Variants in TRIM44 observed in about 807,000 individuals in gnomAD.
TRIM44 encodes tripartite motif-containing protein 44.
A neutral mutation model predicts 37.4 loss-of-function variants in TRIM44; 13 were observed. The observed-to-expected ratio is 0.35, with a 90% CI of 0.23 to 0.55. The LOEUF is 0.55. Among genes scored for constraint, TRIM44 ranks in the 20% least tolerant of loss-of-function variants. The probability of loss-of-function intolerance (pLI) is 0.89; values close to 1 mark genes in which losing one functional copy is unlikely to be tolerated. For missense variants in TRIM44, 426 were observed against 437.2 expected, an observed-to-expected ratio of 0.97 and a Z score of 0.23; for synonymous variants, 175 against 157.2, an observed-to-expected ratio of 1.11 and a Z score of -0.85.
intron 4 of TRIM44, among the ~76,000 whole-genome samples, chr11:35,743,935 A>T (rs1852450306): frequency 6.6e-6 from 1 of 152,246 alleles, no homozygotes. Flanking sequence ...GTAGGATACT[A>T]TCATATGCCA....
intron 4 of TRIM44, among the ~76,000 whole-genome samples, chr11:35,761,407 A>T (rs79067210): frequency 7.5e-6 from 1 of 133,030 alleles, no homozygotes; most frequent in East Asian, 2.3e-4. Flanking sequence ...CTCTCTCTCT[A>T]TATATATATG....
intron 4 of TRIM44, among the ~76,000 whole-genome samples, chr11:35,769,879 T>C (rs1479054444): frequency 6.6e-6 from 1 of 152,234 alleles, no homozygotes; most frequent in Non-Finnish European, 1.5e-5. Context: ...CCAGCAGGCC[T>C]AAGGACTATG....
intron 4 of TRIM44, among the ~76,000 whole-genome samples, 154 bp from the exon 5 acceptor site, chr11:35,806,204 G>A (rs1853446615): frequency 6.6e-6 from 1 of 152,142 alleles, no homozygotes. Context: ...TTAGAGAAAC[G>A]AAGTAACTTG....
intron 2 of TRIM44, among the ~76,000 whole-genome samples, chr11:35,702,331 A>G (rs1014055163): frequency 4.6e-5 from 7 of 152,202 alleles, no homozygotes; most frequent in African/African-American, 1.7e-4. Flanking sequence ...GCCCGTGCGC[A>G]TCCACCGTTC....
intron 1 of TRIM44, among the ~76,000 whole-genome samples, chr11:35,677,272 G>A (rs1271832844): frequency 2.6e-5 from 4 of 152,048 alleles, no homozygotes; most frequent in African/African-American, 9.7e-5. Flanking sequence ...TTTAATCTAA[G>A]TTGTACTGAC....
At chr11:35,804,212 C>G (rs2133885115) in intron 4 of TRIM44, among the ~76,000 whole-genome samples, 1 of 152,276 alleles carries the variant, frequency 6.6e-6, no homozygotes, top group Non-Finnish European at 1.5e-5. Context: ...AGATAAATTT[C>G]AGGCCCAAGA....
At chr11:35,797,824 C>G (rs1281337302) in intron 4 of TRIM44, among the ~76,000 whole-genome samples, 3 of 152,106 alleles carry the variant, frequency 2.0e-5, no homozygotes. Flanking sequence ...AAATCTGGAG[C>G]AGGAAAGGGA....
intron 1 of TRIM44, among the ~76,000 whole-genome samples, chr11:35,681,993 C>T (rs553042967): frequency 7.7e-6 from 1 of 129,596 alleles, no homozygotes; most frequent in Non-Finnish European, 1.5e-5. Context: ...CAGTCTCGCT[C>T]TGTCACCCAG....
chr11:35,739,013 A>G (rs1419554825), intron 4 of TRIM44, among the ~76,000 whole-genome samples: 1 of 152,150 alleles, frequency 6.6e-6, no homozygotes, highest in Non-Finnish European at 1.5e-5. Context: ...CTCCCTCTCT[A>G]CTAGCTGGAG....
chr11:35,759,927 A>T (rs546827501), intron 4 of TRIM44, among the ~76,000 whole-genome samples: 1 of 152,198 alleles, frequency 6.6e-6, no homozygotes, highest in Non-Finnish European at 1.5e-5. Context: ...TCTCCCAGTT[A>T]GGCTACTCGG....
intron 4 of TRIM44, among the ~76,000 whole-genome samples, chr11:35,736,269 T>G (rs75084866): frequency 6.6e-6 from 1 of 152,210 alleles, no homozygotes; most frequent in East Asian, 1.9e-4. Flanking sequence ...AAATGGACTT[T>G]AAGCAGAACC....
At chr11:35,774,234 AT>A (rs1332375890) in intron 4 of TRIM44, among the ~76,000 whole-genome samples, 1 of 152,096 alleles carries the variant, frequency 6.6e-6, no homozygotes, top group Non-Finnish European at 1.5e-5. Context: ...GATGATGAGC[AT>A]TTTTTCACGT....
At position 35,815,045 on chromosome 11, in the gene TRIM44, C is replaced by T. The variant is rs1853566789; in HGVS notation, c.*8660C>T. 6.6e-6 allele frequency: 1 copy of T among 152,144 alleles called. No homozygotes were observed. Among genetic ancestry groups the T allele is most frequent in the South Asian group, 2.1e-4 (1 of 4,818 alleles). 9.4% of individuals were successfully genotyped at this position (152,144 alleles called of 1,614,324 possible). ...GGGTGAGACAAATGCTCTGTTGAAG[C>T]CATGCCACTACAGGATACATTCACC... On this transcript the variant is annotated 3_prime_UTR_variant, in exon 5 of 5. Coordinates refer to ENST00000299413, the MANE Select transcript of TRIM44 (RefSeq NM_017583.6).
chr11:35,693,226 T>C (rs1384075047), intron 2 of TRIM44, among the ~76,000 whole-genome samples: 1 of 152,176 alleles, frequency 6.6e-6, no homozygotes, highest in Admixed American at 6.6e-5. Context: ...TAGGTTGTAG[T>C]TCATCCACAA....
At chr11:35,729,270 A>G (rs1852222762) in intron 3 of TRIM44, among the ~76,000 whole-genome samples, 1 of 152,198 alleles carries the variant, frequency 6.6e-6, no homozygotes, top group Admixed American at 6.5e-5. Context: ...CAGTGGAGCC[A>G]GTGAGTGAAA....
chr11:35,760,133 G>T (rs112155808), intron 4 of TRIM44, among the ~76,000 whole-genome samples: 1 of 152,308 alleles, frequency 6.6e-6, no homozygotes, highest in African/African-American at 2.4e-5. Context: ...AGCTGTGGTG[G>T]GCTCCACCTA....
At position 35,663,531 on chromosome 11, in the gene TRIM44, G is replaced by C. The variant is rs539168567; in HGVS notation, c.420G>C (p.Glu140Asp). The change falls in exon 1 of 5, where the codon GAG (glutamate) becomes GAC (aspartate). Residue 140 changes from glutamate (E) to aspartate (D), a missense_variant. This residue lies in a region of TRIM44 where 331 missense variants were observed against 303.0 expected (regional missense o/e 1.09). Transcript: ENST00000299413. ...EEEMEDEQES[E>D]AEEDNQEEGE... ...AAATGGAGGATGAGCAAGAAAGCGA[G>C]GCCGAAGAAGACAACCAAGAAGAAG... The C allele has an allele frequency of 6.2e-7, 1 of 1,608,718 alleles. No individual in the cohort carries two copies.
chr11:35,750,339 A>C (rs1852544711), intron 4 of TRIM44, among the ~76,000 whole-genome samples: 1 of 152,204 alleles, frequency 6.6e-6, no homozygotes, highest in African/African-American at 2.4e-5. Flanking sequence ...TCGGCAGCCT[A>C]CTAAAACATT....
At chr11:35,701,027 T>A (rs1001150784) in intron 2 of TRIM44, among the ~76,000 whole-genome samples, 2 of 152,202 alleles carry the variant, frequency 1.3e-5, no homozygotes, top group Non-Finnish European at 2.9e-5. Context: ...AATTTTTTTT[T>A]AATTGGATTA....
Sources: allele counts gnomAD v4.1 joint callset (sites outside exome capture counted in the v4.1 genomes callset), GRCh38; gene constraint gnomAD v4.1.1; regional missense constraint gnomAD v4.1.1; transcripts MANE v1.5; gene names NCBI Gene and HGNC (gene_info 2026-07-23, HGNC 2026-07-21).